Variants in ANKS1B observed in about 807,000 individuals in gnomAD.
The protein encoded by ANKS1B is ankyrin repeat and sterile alpha motif domain containing 1B.
A neutral mutation model predicts 148.3 loss-of-function variants in ANKS1B; 36 were observed. The observed-to-expected ratio is 0.24, with a 90% CI of 0.19 to 0.32. ANKS1B has a LOEUF of 0.32. Ranked by LOEUF, ANKS1B falls within the 10% of genes least tolerant of loss-of-function variation. The probability of loss-of-function intolerance (pLI) is 1.00; values close to 1 mark genes in which losing one functional copy is unlikely to be tolerated. For synonymous variants in ANKS1B, 542 were observed against 560.8 expected (o/e 0.97, Z 0.47); for missense variants, 1,157 against 1,542.6 (o/e 0.75, Z 4.19).
chr12:99,585,419 T>C (rs2097623418), intron 9 of ANKS1B, among the ~76,000 whole-genome samples: 1 of 152,184 alleles, frequency 6.6e-6, no homozygotes, highest in African/African-American at 2.4e-5. Flanking sequence ...TCCCGGCTAC[T>C]TTCACAGGCC....
intron 9 of ANKS1B, among the ~76,000 whole-genome samples, chr12:99,561,468 T>C (rs2097335224): frequency 6.6e-6 from 1 of 152,226 alleles, no homozygotes; most frequent in African/African-American, 2.4e-5. Context: ...AAAGATTAGA[T>C]TTAAATCCTC....
At chr12:98,936,652 G>A (rs2099819008) in intron 17 of ANKS1B, among the ~76,000 whole-genome samples, 1 of 151,876 alleles carries the variant, frequency 6.6e-6, no homozygotes, top group East Asian at 1.9e-4. Context: ...TAATTCTTGT[G>A]TGTACATAAT....
chr12:99,639,710 A>G (rs1195581700), intron 9 of ANKS1B, among the ~76,000 whole-genome samples: 4 of 152,276 alleles, frequency 2.6e-5, no homozygotes, highest in South Asian at 4.1e-4. Flanking sequence ...TCCTGCCGCC[A>G]TATGAAGGAT....
chr12:99,011,225 G>T (rs1272578641), intron 17 of ANKS1B, among the ~76,000 whole-genome samples: 2 of 152,156 alleles, frequency 1.3e-5, no homozygotes, highest in Admixed American at 1.3e-4. Context: ...ATAAATGTAT[G>T]TTGTTTGAAG....
intron 12 of ANKS1B, among the ~76,000 whole-genome samples, chr12:99,367,338 T>G (rs1017582645): frequency 6.6e-6 from 1 of 152,042 alleles, no homozygotes; most frequent in Non-Finnish European, 1.5e-5. Context: ...CTAAGAAAAA[T>G]GCAAATGAAT....
chr12:99,573,113 G>C (rs1323249330), intron 9 of ANKS1B, among the ~76,000 whole-genome samples: 1 of 152,058 alleles, frequency 6.6e-6, no homozygotes, highest in Non-Finnish European at 1.5e-5. Flanking sequence ...TCCTAGTGGA[G>C]TCTCAGTCAG....
chr12:99,839,285 T>C (rs2153695898), intron 1 of ANKS1B, among the ~76,000 whole-genome samples: 1 of 152,290 alleles, frequency 6.6e-6, no homozygotes, highest in Non-Finnish European at 1.5e-5. Flanking sequence ...ATTAAACTTA[T>C]AGAAAAAGTA....
At chr12:98,766,631 G>A (rs1024706477) in intron 25 of ANKS1B, among the ~76,000 whole-genome samples, 1 of 152,186 alleles carries the variant, frequency 6.6e-6, no homozygotes, top group African/African-American at 2.4e-5. Context: ...CCGCCTCCAT[G>A]ATATTAATTC....
At chr12:99,584,563 C>T (rs1238191407) in intron 9 of ANKS1B, among the ~76,000 whole-genome samples, 2 of 152,264 alleles carry the variant, frequency 1.3e-5, no homozygotes, top group East Asian at 3.9e-4. Context: ...CATCACTGTA[C>T]TCCAGCCTGG....
At chr12:99,557,448 T>A (rs1022259927) in intron 9 of ANKS1B, among the ~76,000 whole-genome samples, 9 of 152,354 alleles carry the variant, frequency 5.9e-5, no homozygotes, top group African/African-American at 2.2e-4. Context: ...GTGATCTATT[T>A]GTGCTATTAA....
intron 17 of ANKS1B, among the ~76,000 whole-genome samples, chr12:98,848,480 G>A (rs1422803393): frequency 6.6e-6 from 1 of 151,748 alleles, no homozygotes; most frequent in Non-Finnish European, 1.5e-5. Context: ...TGATCACATC[G>A]AAGTTTTTTC....
At chr12:99,437,722 A>G (rs555745005) in intron 11 of ANKS1B, among the ~76,000 whole-genome samples, 1 of 152,064 alleles carries the variant, frequency 6.6e-6, no homozygotes, top group East Asian at 1.9e-4. Context: ...ATATTTAACA[A>G]TTGAGTCCCT....
intron 9 of ANKS1B, among the ~76,000 whole-genome samples, chr12:99,592,114 T>G (rs2097708976): frequency 6.6e-6 from 1 of 152,158 alleles, no homozygotes. Context: ...GTCATTCTGT[T>G]CATACTAATA....
At chr12:99,007,599 A>G (rs1462079033) in intron 17 of ANKS1B, among the ~76,000 whole-genome samples, 4 of 152,138 alleles carry the variant, frequency 2.6e-5, no homozygotes, top group African/African-American at 9.7e-5. Context: ...GCAACTGCAT[A>G]TCCAGTTCAA....
At chr12:99,566,607 G>T (rs2097396822) in intron 9 of ANKS1B, among the ~76,000 whole-genome samples, 1 of 152,134 alleles carries the variant, frequency 6.6e-6, no homozygotes, top group Non-Finnish European at 1.5e-5. Flanking sequence ...GTTAGATAAT[G>T]TCATCAGGGT....
chr12:98,903,340 T>C (rs1440053062), intron 17 of ANKS1B, among the ~76,000 whole-genome samples: 1 of 151,602 alleles, frequency 6.6e-6, no homozygotes, highest in Non-Finnish European at 1.5e-5. Context: ...GGCCATGGAG[T>C]GGACCCATGA....
intron 15 of ANKS1B, among the ~76,000 whole-genome samples, chr12:99,125,124 T>C (rs1192751280): frequency 6.6e-6 from 1 of 152,170 alleles, no homozygotes; most frequent in African/African-American, 2.4e-5. Flanking sequence ...GTTTGCATGC[T>C]GATGAGGATA....
intron 12 of ANKS1B, among the ~76,000 whole-genome samples, chr12:99,247,511 CTAATGTT>C (rs1030965030): frequency 1.2e-4 from 18 of 152,106 alleles, no homozygotes; most frequent in African/African-American, 4.3e-4. Flanking sequence ...ATATAAGAAA[CTAATGTT>C]TAGCTATGAA....
At chr12:99,441,184 G>C (rs2095544354) in intron 11 of ANKS1B, among the ~76,000 whole-genome samples, 1 of 151,796 alleles carries the variant, frequency 6.6e-6, no homozygotes, top group African/African-American at 2.4e-5. Flanking sequence ...AAATATGTTA[G>C]AGTATTAAAC....
Sources: gnomAD v4.1 joint callset for allele counts (sites outside exome capture counted in the v4.1 genomes callset) on GRCh38, gnomAD v4.1.1 for gene constraint, MANE v1.5 for transcripts, NCBI Gene and HGNC (gene_info 2026-07-23, HGNC 2026-07-21) for gene names.